Variants in PRR33 observed in about 807,000 individuals in gnomAD.
The protein encoded by PRR33 is proline rich 33.
A neutral mutation model predicts 0.5 loss-of-function variants in PRR33; 1 was observed. The ratio of observed to expected loss-of-function variants is 2.18; its 90% confidence interval spans 0.77 to 10.34. PRR33 has a LOEUF of 10.34. Ranked by LOEUF, PRR33 falls within the 30% of genes most tolerant of loss-of-function variation. The pLI is 0.13. For synonymous variants in PRR33, 226 were observed against 110.0 expected, an observed-to-expected ratio of 2.06 and a Z score of -6.60; for missense variants, 552 against 251.8, an observed-to-expected ratio of 2.19 and a Z score of -8.07.
At chr11:1,906,896 C>T in the PRR33 span, among the ~76,000 whole-genome samples, 1 of 152,242 alleles carries the variant, frequency 6.6e-6, no homozygotes, top group Non-Finnish European at 1.5e-5. Context: ...GCTCTCTGAG[C>T]TTCACGAACT....
At chr11:1,893,425 ATGGCTGGCTGGC>A (rs1302621810), upstream of PRR33, among the ~76,000 whole-genome samples, 7 of 142,866 alleles carry the variant, frequency 4.9e-5, no homozygotes, top group East Asian at 1.4e-3. Context: ...GGGTGGGAGG[ATGGCTGGCTGGC>A]TGGCTGGCTG....
the PRR33 span, among the ~76,000 whole-genome samples, chr11:1,908,651 C>A: frequency 2.0e-5 from 3 of 152,132 alleles, no homozygotes; most frequent in Non-Finnish European, 4.4e-5. Flanking sequence ...ATGTATTTTG[C>A]ATCTGGCCGC....
rs113628729 is a variant in PRR33 at position 1,890,409 on chromosome 11, G to A, written c.176C>T (p.Pro59Leu). Residue 59 changes from proline (P) to leucine (L), a missense_variant, in exon 1 of 1, where the codon CCC (proline) becomes CTC (leucine). Transcript: ENST00000640310. ...GGACAGGGAGGTGCGGAAGGCCCTG[G>A]GTGGAGCGAGGTGTGTGCCTCCCAT... 13 of 717,202 alleles carry A rather than the reference G, an allele frequency of 1.8e-5. No individual in the cohort carries two copies. In the African/African-American group the frequency reaches 2.3e-4, roughly 13 times the overall value. The allele number at this position is 717,202 out of a possible 1,614,324, so 44.4% of individuals were successfully genotyped here. A position where few individuals can be genotyped will look rare whatever the true frequency, so the allele number is the denominator to read the frequency against.
chr11:1,910,060 C>T, the PRR33 span, among the ~76,000 whole-genome samples: 2 of 152,226 alleles, frequency 1.3e-5, no homozygotes, highest in Non-Finnish European at 2.9e-5. Flanking sequence ...GGCTCACAGC[C>T]GCAGGTCAGC....
the PRR33 span, chr11:1,902,697 T>C: frequency 6.6e-6 from 1 of 152,098 alleles, no homozygotes; most frequent in Admixed American, 6.6e-5. Flanking sequence ...GTTCTTGGAT[T>C]TGGATCCTGT....
chr11:1,912,699 G>GTTTTTTT, the PRR33 span, among the ~76,000 whole-genome samples: 1 of 151,978 alleles, frequency 6.6e-6, no homozygotes, highest in South Asian at 2.1e-4. Flanking sequence ...CCGCTTCCTG[G>GTTTTTTT]GCTCAAGTGA....
At chr11:1,893,241 G>A (rs1034695395), upstream of PRR33, among the ~76,000 whole-genome samples, 3 of 146,392 alleles carry the variant, frequency 2.0e-5, no homozygotes, top group Non-Finnish European at 3.0e-5. Context: ...TGGATGGGTA[G>A]GTGGGTGAGT....
At chr11:1,915,330 A>G in the PRR33 span, among the ~76,000 whole-genome samples, 1 of 133,772 alleles carries the variant, frequency 7.5e-6, no homozygotes, top group African/African-American at 2.9e-5. Flanking sequence ...ATCTGAGATG[A>G]TGTTTCTGTA....
chr11:1,917,115 C>T, the PRR33 span, among the ~76,000 whole-genome samples: 1 of 152,346 alleles, frequency 6.6e-6, no homozygotes, highest in East Asian at 1.9e-4. Context: ...CAGCTCAGTT[C>T]CCAAGTGCTG....
chr11:1,904,723 A>G, the PRR33 span, among the ~76,000 whole-genome samples: 50,037 of 150,772 alleles, frequency 0.33, 8,557 homozygotes, highest in African/African-American at 0.4. Context: ...TGGGCAGGCT[A>G]GTCTCGAACT....
the PRR33 span, among the ~76,000 whole-genome samples, chr11:1,905,369 C>T: frequency 6.6e-6 from 1 of 151,284 alleles, no homozygotes; most frequent in Non-Finnish European, 1.5e-5. Context: ...TCAGGTGATC[C>T]GTCTGCCTCA....
chr11:1,894,073 T>TGTGA (rs1250403492), upstream of PRR33, among the ~76,000 whole-genome samples: 25 of 1,228 alleles, frequency 0.02, no homozygotes, highest in African/African-American at 0.073. Context: ...TGTGTGTGTG[T>TGTGA]GTGTGATAGG....
At chr11:1,905,541 C>T in the PRR33 span, among the ~76,000 whole-genome samples, 4 of 149,540 alleles carry the variant, frequency 2.7e-5, no homozygotes, top group Non-Finnish European at 5.9e-5. Context: ...TGGGTTCAAA[C>T]GATCCTCGTG....
At chr11:1,895,522 T>G (rs1849114706), upstream of PRR33, among the ~76,000 whole-genome samples, 1 of 152,210 alleles carries the variant, frequency 6.6e-6, no homozygotes, top group Admixed American at 6.5e-5. Context: ...CCGTTAACCA[T>G]CTGAAGAGCA....
At chr11:1,909,386 G>A in the PRR33 span, among the ~76,000 whole-genome samples, 163 of 152,250 alleles carry the variant, frequency 1.1e-3, 1 homozygote, top group Admixed American at 2.1e-3. Context: ...GCTGAGGTGG[G>A]CGGATCACGA....
chr11:1,890,806 A>T, exon 1 of PRR33: 1 of 579,990 alleles, frequency 1.7e-6, no homozygotes, highest in South Asian at 2.2e-5. Context: ...TGTAGAAATG[A>T]GGCCACAGAG....
chr11:1,912,266 G>T, the PRR33 span, among the ~76,000 whole-genome samples: 2 of 150,740 alleles, frequency 1.3e-5, no homozygotes, highest in African/African-American at 4.9e-5. Flanking sequence ...CTTGGTAGGA[G>T]GTTTAACTAC....
the PRR33 span, among the ~76,000 whole-genome samples, chr11:1,902,102 G>A: frequency 6.6e-6 from 1 of 152,004 alleles, no homozygotes; most frequent in Non-Finnish European, 1.5e-5. Context: ...CGTGGTGGCG[G>A]GCGCCTGTAG....
At chr11:1,897,726 C>T in the PRR33 span, among the ~76,000 whole-genome samples, 13 of 152,324 alleles carry the variant, frequency 8.5e-5, no homozygotes, top group African/African-American at 2.2e-4. This position sits in a 1 kb window ranked among gnomAD's most constrained non-coding sequence, Gnocchi z 4.0. Context: ...GAATGTCATT[C>T]GTACCTAGGT....
Sources: allele counts gnomAD v4.1 joint callset (sites outside exome capture counted in the v4.1 genomes callset), GRCh38; gene constraint gnomAD v4.1.1; non-coding constraint Gnocchi (gnomAD v3.1); transcripts MANE v1.5; gene names NCBI Gene and HGNC (gene_info 2026-07-23, HGNC 2026-07-21).